The following EPS15L1 variants were observed in gnomAD, a reference collection of about 807,000 sequenced individuals.
EPS15L1 encodes epidermal growth factor receptor pathway substrate 15 like 1.
EPS15L1 carries 43 observed loss-of-function variants against 117.1 expected under a neutral mutation model. That is an observed-to-expected ratio of 0.37 (90% confidence interval 0.29 to 0.47). EPS15L1 has a LOEUF of 0.47. EPS15L1 is among the 20% of genes least tolerant of loss of function. EPS15L1 has a pLI of 0.99. For synonymous variants in EPS15L1, 459 were observed against 470.5 expected (o/e 0.98, Z 0.32); for missense variants, 981 against 1,164.0 (o/e 0.84, Z 2.29).
intron 16 of EPS15L1, chr19:16,402,014 G>T (rs1444779178): frequency 8.9e-7 from 1 of 1,125,116 alleles, no homozygotes; most frequent in Non-Finnish European, 1.1e-6. Flanking sequence ...AGTTTGAGAA[G>T]CCCTCTGAAC....
chr19:16,434,688 G>T lies in EPS15L1; in HGVS notation c.373-198C>A, dbSNP rs973727950. ...ATACCCTGAAGGAAATAACGTTATGGCAACCTCGGATCTGGGAGCCAAGGT... is the reference window on the plus strand; with the variant it reads ...ATACCCTGAAGGAAATAACGTTATGTCAACCTCGGATCTGGGAGCCAAGGT... On this transcript the variant is annotated intron_variant, in intron 6 of 23. Transcript: ENST00000455140. The T allele has an allele frequency of 1.4e-5, 7 of 515,252 alleles. No individual in the cohort carries two copies. In the South Asian group the frequency reaches 1.7e-4, roughly 13 times the overall value. 31.9% of individuals were successfully genotyped at this position (515,252 alleles called of 1,614,324 possible). A position where few individuals can be genotyped will look rare whatever the true frequency, so the allele number is the denominator to read the frequency against.
At chr19:16,460,938 G>C (rs1264459476) in intron 1 of EPS15L1, among the ~76,000 whole-genome samples, 1 of 152,214 alleles carries the variant, frequency 6.6e-6, no homozygotes, top group Non-Finnish European at 1.5e-5. Flanking sequence ...CCCCTTTGGA[G>C]AGTGTGAAAT....
chr19:16,360,625 T>C (rs2092038331), intron 23 of EPS15L1, among the ~76,000 whole-genome samples: 1 of 151,640 alleles, frequency 6.6e-6, no homozygotes, highest in South Asian at 2.1e-4. Flanking sequence ...TGCACGCCTG[T>C]CGTCCCAGCT....
chr19:16,469,543 A>G (rs1347123816), intron 1 of EPS15L1, among the ~76,000 whole-genome samples: 1 of 152,148 alleles, frequency 6.6e-6, no homozygotes, highest in Non-Finnish European at 1.5e-5. Flanking sequence ...AATCACTCCT[A>G]AAGAGGCAGA....
At chr19:16,449,653 A>C in intron 1 of EPS15L1, among the ~76,000 whole-genome samples, 1 of 152,174 alleles carries the variant, frequency 6.6e-6, no homozygotes, top group East Asian at 1.9e-4. Flanking sequence ...CTGGGCATTT[A>C]CCCGGGAGAA....
chr19:16,403,622 AC>A, intron 15 of EPS15L1, 110 bp downstream of exon 15: 1 of 1,016,980 alleles, frequency 9.8e-7, no homozygotes. Context: ...CCCAAAAGAG[AC>A]CCTCACGTAA....
In EPS15L1 at chr19:16,471,803, G is replaced by A. The variant is rs998329317; in HGVS notation, c.33+110C>T. 46 of 223,936 alleles carry A rather than the reference G, an allele frequency of 2.1e-4. 1 individual carries two copies. The highest frequency in any genetic ancestry group is 3.4e-4 in the Non-Finnish European group (42 of 124,610). 13.9% of individuals were successfully genotyped at this position (223,936 alleles called of 1,614,324 possible). A position where few individuals can be genotyped will look rare whatever the true frequency, so the allele number is the denominator to read the frequency against. On this transcript the variant is annotated intron_variant, in intron 1 of 23. Transcript: ENST00000455140. This position sits in a 1 kb window ranked among gnomAD's most constrained non-coding sequence, Gnocchi z 4.8. ...CCGCCCGCCGCAAGCCCTTCAGCAC[G>A]CGCCGCCCCCGCCGCCGCCTGGCTG...
intron 13 of EPS15L1, among the ~76,000 whole-genome samples, chr19:16,406,411 A>T (rs2092656947): frequency 2.6e-5 from 4 of 152,200 alleles, no homozygotes; most frequent in African/African-American, 9.7e-5. Flanking sequence ...TGTCAGCATC[A>T]AGGTGGTATT....
At chr19:16,361,637 T>C (rs2092052541) in intron 23 of EPS15L1, 142 bp downstream of exon 23, 1 of 1,388,472 alleles carries the variant, frequency 7.2e-7, no homozygotes, top group Non-Finnish European at 9.4e-7. Context: ...CAGTGTAGAA[T>C]AAATAACGCG....
chr19:16,411,950 C>T (rs554244555), intron 13 of EPS15L1, among the ~76,000 whole-genome samples: 2 of 152,286 alleles, frequency 1.3e-5, no homozygotes, highest in African/African-American at 2.4e-5. Context: ...CCTCCGGCCT[C>T]GGCCTCCCAA....
chr19:16,422,414 CT>C (rs57143961), intron 9 of EPS15L1, among the ~76,000 whole-genome samples: 5 of 151,324 alleles, frequency 3.3e-5, no homozygotes, highest in African/African-American at 7.3e-5. Context: ...TTCCTCTTCC[CT>C]TTTTTTTTAA....
In EPS15L1 at chr19:16,355,516, C is replaced by T. The variant is rs935232766; in HGVS notation, c.*189G>A. ...CCTGCAGAAGTGGTGGCCAAGGCCT[C>T]TGTAAGGGCTTCCCCAGGAGATGTG... On this transcript the variant is annotated 3_prime_UTR_variant, in exon 24 of 24. Transcript: ENST00000455140. 9 of 705,060 alleles carry T rather than the reference C, an allele frequency of 1.3e-5. No homozygotes were observed. The highest frequency in any genetic ancestry group is 2.0e-5 in the Non-Finnish European group (9 of 442,884). 43.7% of individuals were successfully genotyped at this position (705,060 alleles called of 1,614,324 possible). A position where few individuals can be genotyped will look rare whatever the true frequency, so the allele number is the denominator to read the frequency against.
At chr19:16,364,964 C>T (rs1417872197) in intron 22 of EPS15L1, among the ~76,000 whole-genome samples, 2 of 152,268 alleles carry the variant, frequency 1.3e-5, no homozygotes, top group African/African-American at 4.8e-5. Flanking sequence ...GCTTCTCCCG[C>T]TTGGGGATGA....
chr19:16,387,569 T>C (rs2092432969), intron 19 of EPS15L1, among the ~76,000 whole-genome samples: 1 of 152,184 alleles, frequency 6.6e-6, no homozygotes, highest in Non-Finnish European at 1.5e-5. Flanking sequence ...ATTATGCCAT[T>C]GCACTGCAGC....
At chr19:16,356,597 AC>A (rs2091983610) in intron 23 of EPS15L1, 1 of 152,088 alleles carries the variant, frequency 6.6e-6, no homozygotes. Context: ...GGCGTGAGCC[AC>A]CGCACCCGGC....
At chr19:16,362,108 T>A in intron 22 of EPS15L1, 124 bp from the exon 23 acceptor site, 1 of 1,006,452 alleles carries the variant, frequency 9.9e-7, no homozygotes. Flanking sequence ...GTAACTTGGC[T>A]AACAGGCTGG....
At chr19:16,434,532 C>G (rs774435194) in intron 6 of EPS15L1, 42 bp from the exon 7 acceptor site, 1 of 1,597,032 alleles carries the variant, frequency 6.3e-7, no homozygotes, top group Non-Finnish European at 8.5e-7. Flanking sequence ...GAGAGCACAC[C>G]TGTGTGAATG....
chr19:16,361,534 TC>T, intron 23 of EPS15L1: 2 of 1,211,288 alleles, frequency 1.7e-6, no homozygotes, highest in Non-Finnish European at 1.0e-6. Flanking sequence ...AGGTCCCGCC[TC>T]CCTGCTGGAA....
chr19:16,464,809 C>G (rs1316650397), intron 1 of EPS15L1, among the ~76,000 whole-genome samples: 1 of 152,046 alleles, frequency 6.6e-6, no homozygotes, highest in Non-Finnish European at 1.5e-5. Flanking sequence ...CACGGGTGGG[C>G]ATGGTGGCTC....
Sources: gnomAD v4.1 joint callset for allele counts (sites outside exome capture counted in the v4.1 genomes callset) on GRCh38, gnomAD v4.1.1 for gene constraint, Gnocchi (gnomAD v3.1) non-coding constraint, MANE v1.5 for transcripts, NCBI Gene and HGNC (gene_info 2026-07-23, HGNC 2026-07-21) for gene names.